Variants in EXOC6B observed in about 807,000 individuals in gnomAD.
EXOC6B encodes exocyst complex component 6B.
A neutral mutation model predicts 113.5 loss-of-function variants in EXOC6B; 54 were observed. That is an observed-to-expected ratio of 0.48 (90% CI 0.38 to 0.60). The LOEUF is 0.60. Among genes scored for constraint, EXOC6B ranks in the 20% least tolerant of loss-of-function variants. EXOC6B has a pLI of 0.00. For missense variants in EXOC6B, 797 were observed against 977.5 expected (o/e 0.82, Z 2.46); for synonymous variants, 357 against 339.0 (o/e 1.05, Z -0.58).
At chr2:72,728,721 A>C (rs1249656922) in intron 5 of EXOC6B, among the ~76,000 whole-genome samples, 1 of 152,176 alleles carries the variant, frequency 6.6e-6, no homozygotes, top group Non-Finnish European at 1.5e-5. Context: ...ACTTCTGCTC[A>C]CATCTTATCA....
chr2:72,217,015 A>G (rs2104409910), intron 20 of EXOC6B, among the ~76,000 whole-genome samples: 2 of 148,010 alleles, frequency 1.4e-5, no homozygotes, highest in South Asian at 4.3e-4. Context: ...CACTCCATCC[A>G]GCCTGGGCGA....
chr2:72,825,241 G>A lies in EXOC6B; in HGVS notation c.113+557C>T, dbSNP rs1012286291. On this transcript the variant is annotated intron_variant, in intron 1 of 21. Transcript: ENST00000272427. This position sits in a 1 kb window ranked among gnomAD's most constrained non-coding sequence, Gnocchi z 4.4. ...GTGGGCGAGGGTCGTCCTCGTAACAGGGAGGCAGGGATAAAGGAGCAGCGG... is the reference window on the plus strand; with the variant it reads ...GTGGGCGAGGGTCGTCCTCGTAACAAGGAGGCAGGGATAAAGGAGCAGCGG... 2.0e-5 allele frequency among the ~76,000 whole-genome samples: 3 copies of A among 152,180 alleles called. No individual in the cohort carries two copies. Among genetic ancestry groups the A allele is most frequent in the Non-Finnish European group, 4.4e-5 (3 of 68,032 alleles).
At chr2:72,335,304 C>T (rs1688630386) in intron 19 of EXOC6B, 1 of 278,058 alleles carries the variant, frequency 3.6e-6, no homozygotes, top group East Asian at 7.0e-5. Flanking sequence ...TGTGAATGGA[C>T]AAACAACTTG....
In EXOC6B at chr2:72,243,775, G is replaced by A. The variant is rs146102273; in HGVS notation, c.2197-59588C>T. On this transcript the variant is annotated intron_variant, in intron 20 of 21. Coordinates refer to ENST00000272427, the MANE Select transcript of EXOC6B (RefSeq NM_015189.3). Reference sequence around the variant, plus strand: ...AATAAATAAAAACAAGAACAAAAACGAAAAAACAAAAGAAAATTATCAGGG... The same window carrying A: ...AATAAATAAAAACAAGAACAAAAACAAAAAAACAAAAGAAAATTATCAGGG... Among the ~76,000 whole-genome samples, 582 of 151,848 alleles carry A rather than the reference G, an allele frequency of 3.8e-3. 5 individuals carry two copies. Among genetic ancestry groups the A allele is most frequent in the Middle Eastern group, 6.8e-3 (2 of 292 alleles).
intron 6 of EXOC6B, among the ~76,000 whole-genome samples, chr2:72,651,785 C>T (rs978891275): frequency 2.6e-5 from 4 of 152,042 alleles, no homozygotes; most frequent in South Asian, 4.1e-4. Flanking sequence ...TTAGTAGAGA[C>T]GGGGTTTCAC....
At chr2:72,265,852 C>T (rs562933059) in intron 20 of EXOC6B, among the ~76,000 whole-genome samples, 6 of 152,234 alleles carry the variant, frequency 3.9e-5, no homozygotes, top group Admixed American at 2.0e-4. Context: ...ATGGTTGAAC[C>T]GGTTTACAGT....
chr2:72,231,693 AATG>A (rs1681628807), intron 20 of EXOC6B, among the ~76,000 whole-genome samples: 2 of 152,210 alleles, frequency 1.3e-5, no homozygotes, highest in Admixed American at 6.5e-5. Flanking sequence ...AAACTTCACC[AATG>A]AAGAAACACA....
At chr2:72,476,495 T>C (rs1326227897) in intron 17 of EXOC6B, among the ~76,000 whole-genome samples, 4 of 152,328 alleles carry the variant, frequency 2.6e-5, no homozygotes, top group East Asian at 3.9e-4. Context: ...TATCACATCA[T>C]ATCTATTTCC....
chr2:72,532,323 T>C (rs1175764664), intron 8 of EXOC6B, among the ~76,000 whole-genome samples: 4 of 152,086 alleles, frequency 2.6e-5, no homozygotes, highest in African/African-American at 4.8e-5. Flanking sequence ...CCTACCAAAT[T>C]AGCAAAAGAA....
At chr2:72,442,584 C>T (rs1401526481) in intron 18 of EXOC6B, among the ~76,000 whole-genome samples, 1 of 152,120 alleles carries the variant, frequency 6.6e-6, no homozygotes, top group Non-Finnish European at 1.5e-5. Context: ...ACTAGCATTT[C>T]TATACACCAA....
Position 72,492,387 on chromosome 2 carries a change from CAG to C in EXOC6B, c.1594_1595del (p.Leu532ValfsTer15). On this transcript the variant is annotated frameshift_variant, in exon 16 of 22. Coordinates refer to ENST00000272427, the MANE Select transcript of EXOC6B (RefSeq NM_015189.3). LOFTEE classifies it high-confidence loss of function. Reference sequence around the variant, plus strand: ...AGTTGCTCAGAGTCCTGGTTAGCAACAGGTTTGTTGATTTCCGAATCATGTCA... The same window carrying C: ...AGTTGCTCAGAGTCCTGGTTAGCAACGTTTGTTGATTTCCGAATCATGTCA... Reference protein sequence around the residue: ...VDDMIRKSTNLLLTRTLSNSL... With the variant: ...VDDMIRKSTNXLLTRTLSNSL... The C allele has an allele frequency of 6.2e-7, 1 of 1,612,972 alleles. No individual in the cohort carries two copies. The highest frequency in any genetic ancestry group is 1.3e-5 in the African/African-American group (1 of 74,984).
At chr2:72,729,961 C>A (rs113687106) in intron 5 of EXOC6B, among the ~76,000 whole-genome samples, 1 of 151,994 alleles carries the variant, frequency 6.6e-6, no homozygotes, top group African/African-American at 2.4e-5. Context: ...TAATTGTATA[C>A]TTTTTCCCTC....
chr2:72,552,455 ATAACTCTTAT>A (rs1703292759), intron 8 of EXOC6B, among the ~76,000 whole-genome samples: 1 of 152,160 alleles, frequency 6.6e-6, no homozygotes, highest in South Asian at 2.1e-4. Flanking sequence ...CAAGGAACAG[ATAACTCTTAT>A]ATAAGTTGTT....
intron 1 of EXOC6B, among the ~76,000 whole-genome samples, chr2:72,742,074 G>A (rs62148067): frequency 0.025 from 3,834 of 152,148 alleles, 66 homozygotes; most frequent in Non-Finnish European, 0.039. Context: ...GAAAAAAACA[G>A]GCACAAAGAA....
intron 5 of EXOC6B, among the ~76,000 whole-genome samples, chr2:72,721,390 G>GAAAAAAAAAAAAAAAAAAAA (rs1679996399): frequency 3.8e-5 from 2 of 52,036 alleles, no homozygotes; most frequent in Non-Finnish European, 7.2e-5. Context: ...AAAAAAAAAT[G>GAAAAAAAAAAAAAAAAAAAA]AACAAAGAAA....
At chr2:72,700,335 T>C (rs1198774154) in intron 6 of EXOC6B, among the ~76,000 whole-genome samples, 1 of 151,820 alleles carries the variant, frequency 6.6e-6, no homozygotes, top group Non-Finnish European at 1.5e-5. Context: ...TTCCCAGTTT[T>C]TTAAATCCTG....
At chr2:72,412,034 G>A (rs907861330) in intron 18 of EXOC6B, among the ~76,000 whole-genome samples, 5 of 152,026 alleles carry the variant, frequency 3.3e-5, no homozygotes, top group South Asian at 2.1e-4. Flanking sequence ...ACCAAACAGC[G>A]CTTCTGGAAA....
intron 6 of EXOC6B, among the ~76,000 whole-genome samples, chr2:72,654,543 T>C (rs963759677): frequency 6.6e-5 from 10 of 152,224 alleles, no homozygotes; most frequent in Non-Finnish European, 4.4e-5. Flanking sequence ...CCTGTTATTT[T>C]TGGCTCCTCC....
chr2:72,622,575 T>G (rs987720935), intron 6 of EXOC6B, among the ~76,000 whole-genome samples: 79 of 152,070 alleles, frequency 5.2e-4, no homozygotes, highest in Non-Finnish European at 1.1e-3. Flanking sequence ...CCAGGTGTGG[T>G]GGCGTATGCC....
Sources: allele counts gnomAD v4.1 joint callset (sites outside exome capture counted in the v4.1 genomes callset), GRCh38; gene constraint gnomAD v4.1.1; non-coding constraint Gnocchi (gnomAD v3.1); transcripts MANE v1.5; gene names NCBI Gene and HGNC (gene_info 2026-07-23, HGNC 2026-07-21).